Variants in PARP11 observed in about 807,000 individuals in gnomAD.
The protein encoded by PARP11 is poly(ADP-ribose) polymerase family member 11.
A neutral mutation model predicts 42.9 loss-of-function variants in PARP11; 31 were observed. The observed-to-expected ratio is 0.72, with a 90% CI of 0.54 to 0.98. PARP11 has a LOEUF of 0.98. PARP11 is among the 50% of genes least tolerant of loss of function. PARP11 has a pLI of 0.00. For missense variants in PARP11, 365 were observed against 413.1 expected (o/e 0.88, Z 1.01); for synonymous variants, 137 against 127.3 (o/e 1.08, Z -0.51).
In PARP11 at chr12:3,839,497, A is replaced by G. The variant is rs965483380; in HGVS notation, c.19-9479T>C. The G allele has an allele frequency of 3.1e-6, 5 of 1,607,336 alleles. No individual in the cohort carries two copies. The African/African-American group carries it at 4.0e-5, about 13-fold the overall frequency. Reference sequence around the variant, plus strand: ...TCAGTCTCGCCATGTTGAAGTCAGAATGGCCTGTATTCACTGTCTTCGAGA... The same window carrying G: ...TCAGTCTCGCCATGTTGAAGTCAGAGTGGCCTGTATTCACTGTCTTCGAGA... On this transcript the variant is annotated intron_variant, in intron 1 of 7. Transcript: ENST00000228820.
In PARP11 at chr12:3,840,011, ACT is replaced by A; in HGVS notation, c.19-9995_19-9994del. ...AACGAGCAGCTGAAGAACAATGGGAACTCTACTAGCCTGCCTTTGGCTAGAAA... is the reference window on the plus strand; with the variant it reads ...AACGAGCAGCTGAAGAACAATGGGAACTACTAGCCTGCCTTTGGCTAGAAA... On this transcript the variant is annotated intron_variant, in intron 1 of 7. Transcript: ENST00000228820. This position sits in a 1 kb window ranked among gnomAD's most constrained non-coding sequence, Gnocchi z 4.4. 6.3e-7 allele frequency: 1 copy of A among 1,599,316 alleles called. No individual in the cohort carries two copies. The highest frequency in any genetic ancestry group is 1.3e-5 in the African/African-American group (1 of 74,740).
chr12:3,822,062 TATTCAGTCA>T lies in PARP11; in HGVS notation c.417+14_417+22del. On this transcript the variant is annotated intron_variant, in intron 5 of 7. Transcript: ENST00000228820. ...TCATTTCCGGTTTCTTTCATGGGTA[TATTCAGTCA>T]ATTCTGCTCTTACCTGATATGGTAC... 6.2e-7 allele frequency: 1 copy of T among 1,612,096 alleles called. No homozygotes were observed. Among genetic ancestry groups the T allele is most frequent in the Non-Finnish European group, 8.5e-7 (1 of 1,179,104 alleles).
chr12:3,816,046 T>A (rs1163622331), intron 6 of PARP11, among the ~76,000 whole-genome samples: 1 of 152,206 alleles, frequency 6.6e-6, no homozygotes, highest in Non-Finnish European at 1.5e-5. Context: ...CCATTAAGCA[T>A]GACATCAGAA....
chr12:3,818,703 T>C (rs577582159), intron 6 of PARP11, among the ~76,000 whole-genome samples: 1 of 152,352 alleles, frequency 6.6e-6, no homozygotes, highest in South Asian at 2.1e-4. Context: ...AAGTTACCAA[T>C]GGCCTTCTTA....
chr12:3,841,744 T>C, intron 1 of PARP11: 1 of 1,613,000 alleles, frequency 6.2e-7, no homozygotes, highest in Non-Finnish European at 8.5e-7. Context: ...ACCTCCTTTC[T>C]TTCCTCATGT....
intron 4 of PARP11, among the ~76,000 whole-genome samples, chr12:3,823,450 T>C (rs1165286071): frequency 6.6e-6 from 1 of 152,164 alleles, no homozygotes; most frequent in Non-Finnish European, 1.5e-5. Context: ...TCTGTAACAG[T>C]GCATAGAGAG....
chr12:3,828,863 C>T, intron 3 of PARP11, 47 bp downstream of exon 3: 1 of 1,537,706 alleles, frequency 6.5e-7, no homozygotes, highest in Non-Finnish European at 8.9e-7. Flanking sequence ...TAGATTTTAT[C>T]ATATCAATAT....
chr12:3,839,470 T>A, intron 1 of PARP11: 2 of 1,612,472 alleles, frequency 1.2e-6, no homozygotes, highest in Admixed American at 1.7e-5. Context: ...GGTATTGCAC[T>A]CTCAGTCTCG....
In PARP11 at chr12:3,809,612, A is replaced by T. The variant is rs1947130468; in HGVS notation, c.*2511T>A. The T allele has an allele frequency of 6.6e-6, 1 of 152,244 alleles. No homozygotes were observed. The highest frequency in any genetic ancestry group is 2.1e-4 in the South Asian group (1 of 4,832). 9.4% of individuals were successfully genotyped at this position (152,244 alleles called of 1,614,324 possible). On this transcript the variant is annotated 3_prime_UTR_variant, in exon 8 of 8. Transcript: ENST00000228820. ...TAACAGTTTTTCCATTCAAGTGCTG[A>T]GAGAGCTATGCATATAAAACTTGAA...
intron 6 of PARP11, among the ~76,000 whole-genome samples, chr12:3,815,514 T>C (rs1210274484): frequency 6.6e-6 from 1 of 152,258 alleles, no homozygotes; most frequent in Non-Finnish European, 1.5e-5. Flanking sequence ...TGACACAGCA[T>C]AGCTTCTAGG....
chr12:3,860,794 A>G (rs768225055), intron 1 of PARP11, among the ~76,000 whole-genome samples: 2 of 152,148 alleles, frequency 1.3e-5, no homozygotes, highest in African/African-American at 2.4e-5. Flanking sequence ...CTTGTGCTTC[A>G]GCTTCCTGAG....
At chr12:3,841,972 G>A (rs1226427568) in intron 1 of PARP11, 15 of 1,610,380 alleles carry the variant, frequency 9.3e-6, no homozygotes, top group South Asian at 5.5e-5. Context: ...TAAGCCAGAC[G>A]AAGGCCGGAC....
At chr12:3,817,108 A>C (rs537921804) in intron 6 of PARP11, among the ~76,000 whole-genome samples, 1 of 152,084 alleles carries the variant, frequency 6.6e-6, no homozygotes, top group South Asian at 2.1e-4. Context: ...GGAGAATGGC[A>C]TGAACCCCGG....
intron 1 of PARP11, chr12:3,832,225 T>C (rs1591772624): frequency 5.7e-6 from 2 of 348,090 alleles, no homozygotes; most frequent in East Asian, 3.4e-4. Context: ...TATTGAACAT[T>C]CCTAAAGCAC....
At chr12:3,846,673 C>T (rs11062867) in intron 1 of PARP11, among the ~76,000 whole-genome samples, 2,801 of 151,358 alleles carry the variant, frequency 0.019, 125 homozygotes, top group East Asian at 0.14. Context: ...AGGAAAATGG[C>T]GTGAACCCAG....
At chr12:3,846,240 T>A (rs1947991256) in intron 1 of PARP11, among the ~76,000 whole-genome samples, 1 of 151,766 alleles carries the variant, frequency 6.6e-6, no homozygotes, top group South Asian at 2.1e-4. Flanking sequence ...CATGGTGTGA[T>A]GCTGCATTAT....
chr12:3,851,462 G>A (rs1199300608), intron 1 of PARP11, among the ~76,000 whole-genome samples: 4 of 152,232 alleles, frequency 2.6e-5, no homozygotes, highest in South Asian at 2.1e-4. Flanking sequence ...ATTATATCCC[G>A]CACCTGGCTC....
intron 1 of PARP11, among the ~76,000 whole-genome samples, chr12:3,858,284 G>T (rs770915780): frequency 7.2e-5 from 11 of 152,280 alleles, no homozygotes; most frequent in Admixed American, 2.6e-4. Flanking sequence ...AATTAAAATG[G>T]TTCTGAATCA....
intron 1 of PARP11, among the ~76,000 whole-genome samples, chr12:3,870,197 C>T (rs1394575944): frequency 6.6e-6 from 1 of 152,126 alleles, no homozygotes; most frequent in East Asian, 1.9e-4. Context: ...TAGAGAAACC[C>T]ACACGTAGAA....
Sources: allele counts gnomAD v4.1 joint callset (sites outside exome capture counted in the v4.1 genomes callset), GRCh38; gene constraint gnomAD v4.1.1; non-coding constraint Gnocchi (gnomAD v3.1); transcripts MANE v1.5; gene names NCBI Gene and HGNC (gene_info 2026-07-23, HGNC 2026-07-21).